FN1: variants seen among roughly 807,000 people sequenced by gnomAD.
The protein encoded by FN1 is fibronectin 1.
In FN1, 106 loss-of-function variants were observed where a neutral mutation model predicts 297.3. That is an observed-to-expected ratio of 0.36 (90% CI 0.30 to 0.42). The LOEUF (loss-of-function observed/expected upper bound fraction) is 0.42, where lower values mean the gene tolerates loss of function less well. Ranked by LOEUF, FN1 falls within the 10% of genes least tolerant of loss-of-function variation. The probability of loss-of-function intolerance (pLI) is 1.00; values close to 1 mark genes in which losing one functional copy is unlikely to be tolerated. For missense variants in FN1, 2,690 were observed against 3,124.9 expected, an observed-to-expected ratio of 0.86 and a Z score of 3.32; for synonymous variants, 1,149 against 1,152.6, an observed-to-expected ratio of 1.00 and a Z score of 0.06.
At chr2:215,418,869 C>G (rs1479000284) in intron 12 of FN1, among the ~76,000 whole-genome samples, 2 of 152,192 alleles carry the variant, frequency 1.3e-5, no homozygotes, top group African/African-American at 4.8e-5. Context: ...CTCTATGCAG[C>G]TTCTCTGTTA....
chr2:215,416,027 T>C (rs1260137305), intron 12 of FN1, among the ~76,000 whole-genome samples: 1 of 152,146 alleles, frequency 6.6e-6, no homozygotes, highest in African/African-American at 2.4e-5. Flanking sequence ...CACCAGATTA[T>C]TAACAGATTT....
At chr2:215,433,006 G>T (rs2066790267) in intron 3 of FN1, among the ~76,000 whole-genome samples, 1 of 152,062 alleles carries the variant, frequency 6.6e-6, no homozygotes, top group Non-Finnish European at 1.5e-5. Context: ...GATTTAAAAT[G>T]GGCAACTCCC....
intron 19 of FN1, among the ~76,000 whole-genome samples, chr2:215,405,181 T>C (rs908482484): frequency 6.6e-6 from 1 of 152,236 alleles, no homozygotes; most frequent in Non-Finnish European, 1.5e-5. Context: ...CTCAGATTCA[T>C]GGTAGGATAC....
At chr2:215,413,006 T>C (rs2062898463) in intron 13 of FN1, among the ~76,000 whole-genome samples, 1 of 152,286 alleles carries the variant, frequency 6.6e-6, no homozygotes, top group Middle Eastern at 3.4e-3. Flanking sequence ...GACTGCTGGG[T>C]GGATCAAAGT....
Position 215,380,586 on chromosome 2 carries a change from TTG to T in FN1, c.5434+223_5434+224del, listed in dbSNP as rs2058063171. 26 of 599,384 alleles carry T rather than the reference TTG, an allele frequency of 4.3e-5. No homozygotes were observed. In the South Asian group the frequency reaches 4.8e-4, roughly 11 times the overall value. 37.1% of individuals were successfully genotyped at this position (599,384 alleles called of 1,614,324 possible). A position where few individuals can be genotyped will look rare whatever the true frequency, so the allele number is the denominator to read the frequency against. The stretch of plus-strand genomic sequence containing the variant: ...TCTTCAAATGTCTTGCTTTATGGTC[TTG>T]TGTATAAGCCAGGATACTCCAAAAT... On this transcript the variant is annotated intron_variant, in intron 33 of 45. Coordinates refer to ENST00000354785, the MANE Select transcript of FN1 (RefSeq NM_212482.4).
At chr2:215,383,801 A>ATATATCGACATT (rs2058534883) in intron 30 of FN1, among the ~76,000 whole-genome samples, 1 of 152,208 alleles carries the variant, frequency 6.6e-6, no homozygotes, top group South Asian at 2.1e-4. Context: ...TATTGCAGAC[A>ATATATCGACATT]TGCGGAATAT....
chr2:215,375,424 A>T (rs1231453565), intron 37 of FN1, 31 bp from the exon 38 acceptor site: 1 of 1,602,468 alleles, frequency 6.2e-7, no homozygotes. Context: ...GTCTCTAAGA[A>T]GGCAAATAAC....
chr2:215,428,520 A>G (rs963173562), intron 5 of FN1, among the ~76,000 whole-genome samples, 182 bp from the exon 6 acceptor site: 4 of 152,244 alleles, frequency 2.6e-5, no homozygotes, highest in Non-Finnish European at 5.9e-5. Flanking sequence ...TACAGTGGAA[A>G]GGCAGCTGAA....
chr2:215,365,439 G>A (rs890752814), intron 43 of FN1, 66 bp downstream of exon 43: 5 of 1,527,588 alleles, frequency 3.3e-6, no homozygotes, highest in Non-Finnish European at 3.6e-6. Flanking sequence ...GTGAATGAGA[G>A]TTACAGCCTG....
chr2:215,375,308 A>T lies in FN1; in HGVS notation c.6063T>A (p.Ile2021=). ...LVSWQPPRAR[I]TGYIIKYEKP... ...TCTCATACTTGATGATGTAGCCGGTAATCCTGGCACGTGGCGGCTGCCATG... is the reference window on the plus strand; with the variant it reads ...TCTCATACTTGATGATGTAGCCGGTTATCCTGGCACGTGGCGGCTGCCATG... The change falls in exon 38 of 46, where the codon ATT becomes ATA. Residue 2021 remains isoleucine (I), a synonymous_variant. Coordinates refer to ENST00000354785, the MANE Select transcript of FN1 (RefSeq NM_212482.4). 1 of 1,614,174 alleles carries T rather than the reference A, an allele frequency of 6.2e-7. No individual in the cohort carries two copies.
In FN1 at chr2:215,375,856, T is replaced by C. The variant is rs147044838; in HGVS notation, c.5888-138A>G. On this transcript the variant is annotated intron_variant, in intron 36 of 45. Transcript: ENST00000354785. ...ACCAAAGTGGTCCACATTTGAACAGTAAAGTAGAGCATGCTATGGATGTTA... is the reference window on the plus strand; with the variant it reads ...ACCAAAGTGGTCCACATTTGAACAGCAAAGTAGAGCATGCTATGGATGTTA... 1,573 of 699,580 alleles carry C rather than the reference T, an allele frequency of 2.2e-3. 9 individuals are homozygous for C. The highest frequency in any genetic ancestry group is 1.2e-3 in the East Asian group (45 of 36,788). 43.3% of individuals were successfully genotyped at this position (699,580 alleles called of 1,614,324 possible).
At chr2:215,385,918 C>CAGT (rs2058905758) in intron 28 of FN1, among the ~76,000 whole-genome samples, 1 of 151,568 alleles carries the variant, frequency 6.6e-6, no homozygotes, top group South Asian at 2.1e-4. Context: ...GCTGGGACTA[C>CAGT]AGGTGCATGC....
chr2:215,402,153 G>C (rs1164766127), intron 20 of FN1, among the ~76,000 whole-genome samples: 1 of 151,980 alleles, frequency 6.6e-6, no homozygotes, highest in Non-Finnish European at 1.5e-5. Flanking sequence ...AATTATATTC[G>C]CCTCAACTGT....
At chr2:215,400,751 C>CAAAAAAAAAAAA (rs1175226865) in intron 20 of FN1, among the ~76,000 whole-genome samples, 1 of 56,216 alleles carries the variant, frequency 1.8e-5, no homozygotes, top group Non-Finnish European at 2.8e-5. Flanking sequence ...GGCTCCATCT[C>CAAAAAAAAAAAA]AAAAAAAAAA....
chr2:215,386,824 G>A lies in FN1; in HGVS notation c.4477C>T (p.Arg1493Ter). 1.2e-6 allele frequency: 2 copies of A among 1,613,964 alleles called. No homozygotes were observed. Among genetic ancestry groups the A allele is most frequent in the Non-Finnish European group, 1.7e-6 (2 of 1,179,982 alleles). Residue 1493 changes from arginine (R) to a stop codon, truncating the protein, a stop_gained, in exon 28 of 46, where the codon CGA becomes TGA. Coordinates refer to ENST00000354785, the MANE Select transcript of FN1 (RefSeq NM_212482.4). LOFTEE classifies it high-confidence loss of function. ...CGAGAGTGGGGCACCCGATCTTCTC[G>A]AGGTCTCCCACTGAAGTGCTCGGGA... ...HHPEHFSGRP[R>*]EDRVPHSRNS... is the part of the protein sequence containing the mutation.
chr2:215,369,738 A>AAAAAAAATGGAAATAACATTGG (rs746240989), intron 41 of FN1, among the ~76,000 whole-genome samples: 1 of 152,202 alleles, frequency 6.6e-6, no homozygotes, highest in African/African-American at 2.4e-5. Flanking sequence ...TATAGTCAGA[A>AAAAAAAATGGAAATAACATTGG]AAAAAAATGG....
intron 9 of FN1, 119 bp downstream of exon 9, chr2:215,423,231 T>C: frequency 2.0e-6 from 2 of 990,632 alleles, no homozygotes; most frequent in Non-Finnish European, 3.1e-6. Context: ...TCACATGAAG[T>C]TTTCTGTTGT....
intron 5 of FN1, 50 bp from the exon 6 acceptor site, chr2:215,428,388 G>C: frequency 1.3e-6 from 2 of 1,564,418 alleles, no homozygotes; most frequent in Non-Finnish European, 1.8e-6. Context: ...AGTCGCAAGT[G>C]GTCAATTCAA....
intron 9 of FN1, 123 bp from the exon 10 acceptor site, chr2:215,422,366 G>T: frequency 2.0e-6 from 2 of 1,017,680 alleles, no homozygotes; most frequent in Non-Finnish European, 3.1e-6. Flanking sequence ...GAAGCTTTGT[G>T]TGCATCAAAG....
Sources: allele counts gnomAD v4.1 joint callset (sites outside exome capture counted in the v4.1 genomes callset), GRCh38; gene constraint gnomAD v4.1.1; transcripts MANE v1.5; gene names NCBI Gene and HGNC (gene_info 2026-07-23, HGNC 2026-07-21).